Variants in PRH1 observed in about 807,000 individuals in gnomAD.
The protein encoded by PRH1 is proline rich protein HaeIII subfamily 1, also known as salivary acidic proline-rich phosphoprotein 1/2.
In PRH1, 7 loss-of-function variants were observed where a neutral mutation model predicts 7.9. The ratio of observed to expected loss-of-function variants is 0.89; its 90% CI spans 0.50 to 1.67. PRH1 has a LOEUF of 1.67. PRH1 is among the 40% of genes most tolerant of loss of function. The pLI is 0.00. For synonymous variants in PRH1, 45 were observed against 80.8 expected (o/e 0.56, Z 2.38); for missense variants, 109 against 223.6 (o/e 0.49, Z 3.27).
chr12:11,166,944 A>T (rs1947600153), intron 1 of PRH1, among the ~76,000 whole-genome samples: 1 of 152,162 alleles, frequency 6.6e-6, no homozygotes, highest in African/African-American at 2.4e-5. Context: ...CAAAGTCAGA[A>T]GTGTTGCATC....
rs374625627 is a variant in PRH1 at position 11,090,636 on chromosome 12, A to T, written n.124-43448T>A. ...AATATTCCTCAGTACCGCTTATGGT[A>T]GACATACATTAAATTTACTCTGCAT... On this transcript the variant is annotated intron_variant and non_coding_transcript_variant, in intron 1 of 4. Transcript: ENST00000541977. 1.7e-5 allele frequency among the ~76,000 whole-genome samples: 2 copies of T among 117,858 alleles called. 1 individual carries two copies. Among genetic ancestry groups the T allele is most frequent in the African/African-American group, 5.7e-5 (2 of 34,962 alleles). 77.3% of individuals were successfully genotyped at this position (117,858 alleles called of 152,430 possible). A position where few individuals can be genotyped will look rare whatever the true frequency, so the allele number is the denominator to read the frequency against.
chr12:11,085,586 G>A lies in PRH1; in HGVS notation n.124-38398C>T, dbSNP rs1253762257. Among the ~76,000 whole-genome samples the A allele has an allele frequency of 5.2e-5, 6 of 115,548 alleles. 2 individuals are homozygous for A. Among genetic ancestry groups the A allele is most frequent in the Non-Finnish European group, 1.0e-4 (5 of 48,964 alleles). The allele number at this position is 115,548 out of a possible 152,430, so 75.8% of individuals were successfully genotyped here. A position where few individuals can be genotyped will look rare whatever the true frequency, so the allele number is the denominator to read the frequency against. ...TAAATTCTCTGACTAATGTCAAAAC[G>A]GAAAGCACCGGGGCATGCTATTGAA... On this transcript the variant is annotated intron_variant and non_coding_transcript_variant, in intron 1 of 4. Transcript: ENST00000541977.
intron 1 of PRH1, chr12:10,996,912 C>T: frequency 6.5e-7 from 1 of 1,532,446 alleles, no homozygotes; most frequent in East Asian, 2.3e-5. Flanking sequence ...AATTTGTTTT[C>T]TGCTAGAAAA....
At chr12:11,117,090 TAA>T (rs1945752306), downstream of PRH1, among the ~76,000 whole-genome samples, 1 of 151,898 alleles carries the variant, frequency 6.6e-6, no homozygotes, top group Non-Finnish European at 1.5e-5. Context: ...TCAAGAAAAA[TAA>T]AGAGCATCCA....
intron 1 of PRH1, among the ~76,000 whole-genome samples, chr12:11,042,984 T>C (rs564361734): frequency 1.9e-4 from 29 of 152,064 alleles, no homozygotes; most frequent in African/African-American, 5.5e-4. Flanking sequence ...CAAAGACACA[T>C]TGAAAAAGGA....
intron 1 of PRH1, among the ~76,000 whole-genome samples, chr12:11,013,468 G>C (rs753043808): frequency 6.6e-6 from 1 of 151,788 alleles, no homozygotes; most frequent in Non-Finnish European, 1.5e-5. Flanking sequence ...ATTGATTATA[G>C]AGCTAAATGT....
chr12:11,169,832 G>A (rs1172486944), intron 1 of PRH1, among the ~76,000 whole-genome samples: 1 of 152,140 alleles, frequency 6.6e-6, no homozygotes, highest in Non-Finnish European at 1.5e-5. Flanking sequence ...TACCTCGCTG[G>A]AGTGGTACTG....
chr12:11,147,758 T>TA (rs1344326440), intron 1 of PRH1, among the ~76,000 whole-genome samples: 1 of 152,230 alleles, frequency 6.6e-6, no homozygotes, highest in East Asian at 1.9e-4. Flanking sequence ...CTACAGATGT[T>TA]AAAGAGCATT....
At chr12:10,934,911 T>C (rs939948429) in intron 2 of PRH1, among the ~76,000 whole-genome samples, 6 of 152,206 alleles carry the variant, frequency 3.9e-5, no homozygotes, top group African/African-American at 1.4e-4. Context: ...TTGTTATCAA[T>C]TGCATTAAAA....
At chr12:11,030,840 T>C in intron 1 of PRH1, 1 of 1,614,196 alleles carries the variant, frequency 6.2e-7, no homozygotes, top group African/African-American at 1.3e-5. Flanking sequence ...CTCAATTTGA[T>C]CTTCCAAGTC....
chr12:11,072,383 T>C (rs1405372970), intron 1 of PRH1, among the ~76,000 whole-genome samples: 1 of 152,138 alleles, frequency 6.6e-6, no homozygotes, highest in Non-Finnish European at 1.5e-5. Context: ...TACCTCTTCC[T>C]GAACATGTAA....
At chr12:11,123,761 T>C (rs912445675) in intron 1 of PRH1, among the ~76,000 whole-genome samples, 1 of 152,232 alleles carries the variant, frequency 6.6e-6, no homozygotes, top group Non-Finnish European at 1.5e-5. Flanking sequence ...TATCTTCCAA[T>C]TCACTAATTA....
chr12:11,125,243 G>C (rs1324031196), intron 1 of PRH1, among the ~76,000 whole-genome samples: 2 of 152,278 alleles, frequency 1.3e-5, no homozygotes, highest in Non-Finnish European at 2.9e-5. Flanking sequence ...TGATTTACTT[G>C]CTATTTTTTT....
chr12:11,020,959 C>T (rs187160462), intron 1 of PRH1, among the ~76,000 whole-genome samples: 3,698 of 78,880 alleles, frequency 0.047, no homozygotes, highest in Non-Finnish European at 0.066. Flanking sequence ...AAAATTATAA[C>T]AGCACTGAAA....
At chr12:11,007,357 A>G (rs181604236) in intron 1 of PRH1, among the ~76,000 whole-genome samples, 49 of 152,236 alleles carry the variant, frequency 3.2e-4, no homozygotes, top group Non-Finnish European at 5.9e-5. Flanking sequence ...TAATTTAAAA[A>G]AATGAAAAAA....
At chr12:11,060,531 A>T (rs528281189) in intron 1 of PRH1, among the ~76,000 whole-genome samples, 1 of 136,570 alleles carries the variant, frequency 7.3e-6, no homozygotes, top group African/African-American at 2.6e-5. Context: ...CTCAACTTCA[A>T]AAAAAAAGCT....
intron 1 of PRH1, chr12:11,133,903 G>A (rs1410024951): frequency 7.4e-6 from 12 of 1,614,098 alleles, no homozygotes; most frequent in Non-Finnish European, 1.0e-5. Context: ...AAATAAGGTT[G>A]GAGAAATTGG....
At chr12:10,955,783 C>A (rs1354982318) in intron 2 of PRH1, among the ~76,000 whole-genome samples, 1 of 152,032 alleles carries the variant, frequency 6.6e-6, no homozygotes, top group Non-Finnish European at 1.5e-5. Flanking sequence ...ACAATCCTCC[C>A]AAACTACTGT....
chr12:11,036,387 T>C lies in PRH1; in HGVS notation c.-126+10633A>G, dbSNP rs539832226. Among the ~76,000 whole-genome samples, 4 of 152,314 alleles carry C rather than the reference T, an allele frequency of 2.6e-5. No individual in the cohort carries two copies. The South Asian group carries it at 8.3e-4, about 32-fold the overall frequency. On this transcript the variant is annotated intron_variant, in intron 1 of 3. Coordinates refer to the PRH1 transcript ENST00000539853. ...CACCATTTAATCCTATCCATGAATA[T>C]AGTTTTGGTTATAGAACTACAACCT...
Sources: gnomAD v4.1 joint callset for allele counts (sites outside exome capture counted in the v4.1 genomes callset) on GRCh38, gnomAD v4.1.1 for gene constraint, MANE v1.5 for transcripts, NCBI Gene and HGNC (gene_info 2026-07-23, HGNC 2026-07-21) for gene names.